KCNJ4: variants seen among roughly 807,000 people sequenced by gnomAD.
The protein encoded by KCNJ4 is inward rectifier potassium channel 4.
Under a neutral mutation model 25.6 loss-of-function variants are expected in KCNJ4, and 3 were observed. That is an observed-to-expected ratio of 0.12 (90% CI 0.05 to 0.30). The LOEUF is 0.30. Ranked by LOEUF, KCNJ4 falls within the 10% of genes least tolerant of loss-of-function variation. KCNJ4 has a pLI of 1.00. For missense variants in KCNJ4, 286 were observed against 666.8 expected (o/e 0.43, Z 6.29); for synonymous variants, 257 against 283.9 (o/e 0.91, Z 0.95).
chr22:38,427,020 G>A lies in KCNJ4; in HGVS notation c.1113C>T (p.Phe371=). The change falls in exon 2 of 2, where the codon TTC becomes TTT. Residue 371 remains phenylalanine, a synonymous_variant. Transcript: ENST00000303592. The stretch of plus-strand genomic sequence containing the variant: ...TAAGGGCCAGCTCGTTCTCGTAGCA[G>A]AAGGCACTGGGAGGGGGCGGTGGGG... ...LPAPPPPPSA[F]CYENELALMS... 4 of 1,612,710 alleles carry A rather than the reference G, an allele frequency of 2.5e-6. No homozygotes were observed. The highest frequency in any genetic ancestry group is 3.4e-6 in the Non-Finnish European group (4 of 1,179,918).
intron 1 of KCNJ4, among the ~76,000 whole-genome samples, chr22:38,432,340 T>C (rs1272528455): frequency 6.6e-6 from 1 of 151,986 alleles, no homozygotes; most frequent in Admixed American, 6.5e-5. Flanking sequence ...GTCTGCTTTA[T>C]CCCTATGATT....
intron 1 of KCNJ4, among the ~76,000 whole-genome samples, chr22:38,448,995 G>C (rs1264081562): frequency 6.6e-6 from 1 of 152,036 alleles, no homozygotes; most frequent in Non-Finnish European, 1.5e-5. Flanking sequence ...CTCCTGCTGG[G>C]GTCGGGAACA....
intron 1 of KCNJ4, among the ~76,000 whole-genome samples, chr22:38,448,246 T>TAA (rs74267860): frequency 4.4e-5 from 5 of 112,874 alleles, no homozygotes; most frequent in South Asian, 2.9e-4. Flanking sequence ...AACTCCGTCT[T>TAA]AAAAAAAAAA....
rs1205735628 is a variant in KCNJ4 at position 38,427,606 on chromosome 22, G to A, written c.527C>T (p.Ala176Val). Residue 176 changes from alanine (A) to valine (V), a missense_variant, in exon 2 of 2, where the codon GCG (alanine) becomes GTG (valine). Around this residue, in one of 11 missense-constraint regions of KCNJ4, gnomAD observed 29 missense variants for 107.7 expected, o/e 0.27. Transcript: ENST00000303592. ...FMIGTIMAKM[A>V]RPKKRAQTLL... ...CGTCTGCGCCCGCTTCTTGGGCCGC[G>A]CCATCTTGGCCATGATGGTGCCAAT... is the stretch of plus-strand genomic sequence containing the variant. 2 of 1,612,348 alleles carry A rather than the reference G, an allele frequency of 1.2e-6. No homozygotes were observed. The highest frequency in any genetic ancestry group is 1.7e-6 in the Non-Finnish European group (2 of 1,179,240).
Position 38,450,631 on chromosome 22 carries a change from C to A in KCNJ4, c.-40+4349G>T, listed in dbSNP as rs181491016. Among the ~76,000 whole-genome samples, 5 of 152,342 alleles carry A rather than the reference C, an allele frequency of 3.3e-5. No individual in the cohort carries two copies. In the East Asian group the frequency reaches 5.8e-4, roughly 18 times the overall value. ...CACCGTCAGCCCAAAGGCCCCTCCT[C>A]ACTCACTGGCACAGGGGACAGAGCC... is the stretch of plus-strand genomic sequence containing the variant. On this transcript the variant is annotated intron_variant, in intron 1 of 1. Transcript: ENST00000303592.
chr22:38,430,765 C>T (rs1471974417), intron 1 of KCNJ4, among the ~76,000 whole-genome samples: 1 of 152,228 alleles, frequency 6.6e-6, no homozygotes, highest in African/African-American at 2.4e-5. Context: ...TGTTCTGTCC[C>T]ACTGCCTGAA....
Position 38,449,313 on chromosome 22 carries a change from C to A in KCNJ4, c.-40+5667G>T, listed in dbSNP as rs566385303. ...CTGTTTCCACCCAGGAGCCTGGAAC[C>A]AATCCTTGCTTCTCTCTGAGCCTCA... On this transcript the variant is annotated intron_variant, in intron 1 of 1. Transcript: ENST00000303592. This position sits in a 1 kb window ranked among gnomAD's most constrained non-coding sequence, Gnocchi z 5.2. Among the ~76,000 whole-genome samples the A allele has an allele frequency of 1.1e-3, 170 of 152,324 alleles. No individual in the cohort carries two copies. The highest frequency in any genetic ancestry group is 3.9e-3 in the African/African-American group (161 of 41,580).
At chr22:38,454,233 C>T (rs948821084) in intron 1 of KCNJ4, among the ~76,000 whole-genome samples, 1 of 152,192 alleles carries the variant, frequency 6.6e-6, no homozygotes, top group African/African-American at 2.4e-5. Context: ...ACCCAGCTTG[C>T]CACCTCCCAA....
At chr22:38,448,072 AAAG>A (rs1390078159) in intron 1 of KCNJ4, among the ~76,000 whole-genome samples, 46 of 139,804 alleles carry the variant, frequency 3.3e-4, no homozygotes, top group Admixed American at 6.2e-4. Context: ...AAAAAAAAAA[AAAG>A]AAAAGAAAAG....
In KCNJ4 at chr22:38,426,938, C is replaced by A. The variant is rs776902829; in HGVS notation, c.1195G>T (p.Ala399Ser). 2.5e-6 allele frequency: 4 copies of A among 1,612,474 alleles called. No homozygotes were observed. The highest frequency in any genetic ancestry group is 3.3e-5 in the Admixed American group (2 of 60,006). Residue 399 changes from alanine to serine, a missense_variant, in exon 2 of 2, where the codon GCA becomes TCA. Ala to Ser is a moderately conservative substitution (Grantham distance 99, BLOSUM62 1). Around this residue, in one of 11 missense-constraint regions of KCNJ4, gnomAD observed 77 missense variants for 97.6 expected, o/e 0.79. Transcript: ENST00000303592. The part of the protein sequence containing the change: ...EEAAAAAAVA[A>S]GLGLEAGSKE... ...GAACCCGCCTCCAGGCCCAGGCCTG[C>A]GGCCACCGCGGCCGCCGCAGCTGCC... is the stretch of plus-strand genomic sequence containing the variant.
chr22:38,438,183 T>C (rs188910227), intron 1 of KCNJ4, among the ~76,000 whole-genome samples: 9 of 129,478 alleles, frequency 7.0e-5, no homozygotes, highest in Admixed American at 1.8e-4. Context: ...GAGGTTGCAG[T>C]GAGCCGAGAT....
chr22:38,431,838 A>G (rs2093050730), intron 1 of KCNJ4, among the ~76,000 whole-genome samples: 1 of 152,164 alleles, frequency 6.6e-6, no homozygotes, highest in African/African-American at 2.4e-5. Context: ...CCACCAGGAG[A>G]TGGCCAGATT....
In KCNJ4 at chr22:38,443,887, C is replaced by T. The variant is rs866036139; in HGVS notation, c.-40+11093G>A. On this transcript the variant is annotated intron_variant, in intron 1 of 1. Transcript: ENST00000303592. The surrounding 1 kb of genome is among the most constrained non-coding windows in gnomAD (Gnocchi z 4.1). Reference sequence around the variant, plus strand: ...GGCACTCGGGATGAACGCCCCGCCTCAGAGAGGTCCTGCCCTCTCTGACTG... The same window carrying T: ...GGCACTCGGGATGAACGCCCCGCCTTAGAGAGGTCCTGCCCTCTCTGACTG... Among the ~76,000 whole-genome samples the T allele has an allele frequency of 1.3e-5, 2 of 152,280 alleles. No individual in the cohort carries two copies. Among genetic ancestry groups the T allele is most frequent in the Middle Eastern group, 3.4e-3 (1 of 294 alleles).
chr22:38,428,312 G>C, intron 1 of KCNJ4, 141 bp from the exon 2 acceptor site: 1 of 786,420 alleles, frequency 1.3e-6, no homozygotes, highest in Non-Finnish European at 2.0e-6. Context: ...CAGGCGGAGG[G>C]TGGCAGCAGA....
intron 1 of KCNJ4, among the ~76,000 whole-genome samples, chr22:38,448,207 T>C (rs1719191933): frequency 1.3e-5 from 2 of 149,506 alleles, no homozygotes; most frequent in Admixed American, 1.3e-4. Flanking sequence ...GATTGTGCCA[T>C]TGCATTCCAG....
intron 1 of KCNJ4, among the ~76,000 whole-genome samples, chr22:38,445,222 G>C (rs1422932412): frequency 6.6e-6 from 1 of 152,072 alleles, no homozygotes; most frequent in Non-Finnish European, 1.5e-5. Context: ...GGGAGAGGTG[G>C]TGGCTCTGGA....
chr22:38,449,862 C>T lies in KCNJ4; in HGVS notation c.-40+5118G>A, dbSNP rs2145948886. On this transcript the variant is annotated intron_variant, in intron 1 of 1. Transcript: ENST00000303592. The surrounding 1 kb of genome is among the most constrained non-coding windows in gnomAD (Gnocchi z 5.2). ...CCACGGGGCCAGGATTGGTCAAGAC[C>T]TTTGGGAGTGGGGGGCCAAGACCAG... Among the ~76,000 whole-genome samples the T allele has an allele frequency of 1.3e-5, 2 of 152,358 alleles. No homozygotes were observed. Among genetic ancestry groups the T allele is most frequent in the South Asian group, 4.1e-4 (2 of 4,834 alleles).
intron 1 of KCNJ4, among the ~76,000 whole-genome samples, chr22:38,432,314 C>T (rs2145934456): frequency 7.0e-6 from 1 of 142,050 alleles, no homozygotes; most frequent in Non-Finnish European, 1.5e-5. Flanking sequence ...TAAAAAAGAC[C>T]CCTGGTTGTT....
At chr22:38,433,218 CGGGCGGATGACCTGAGGT>C (rs1355891666) in intron 1 of KCNJ4, among the ~76,000 whole-genome samples, 1 of 152,136 alleles carries the variant, frequency 6.6e-6, no homozygotes, top group East Asian at 1.9e-4. Flanking sequence ...GAGGCCAAGG[CGGGCGGATGACCTGAGGT>C]CAGGAGTTTG....
Sources: allele counts gnomAD v4.1 joint callset (sites outside exome capture counted in the v4.1 genomes callset), GRCh38; gene constraint gnomAD v4.1.1; regional missense constraint gnomAD v4.1.1; non-coding constraint Gnocchi (gnomAD v3.1); transcripts MANE v1.5; gene names NCBI Gene and HGNC (gene_info 2026-07-23, HGNC 2026-07-21).